Variants in MACROD2 observed in about 807,000 individuals in gnomAD.
MACROD2 encodes the protein ADP-ribose glycohydrolase MACROD2.
Under a neutral mutation model 70.4 loss-of-function variants are expected in MACROD2, and 36 were observed. That is an observed-to-expected ratio of 0.51 (90% CI 0.39 to 0.68). The LOEUF (loss-of-function observed/expected upper bound fraction) is 0.68. MACROD2 is among the 30% of genes least tolerant of loss of function. The pLI, the probability that MACROD2 is intolerant of heterozygous loss-of-function variation, is 0.00. For synonymous variants in MACROD2, 172 were observed against 178.8 expected (o/e 0.96, Z 0.30); for missense variants, 496 against 538.4 (o/e 0.92, Z 0.78).
At chr20:15,781,558 G>A (rs6043543) in intron 8 of MACROD2, among the ~76,000 whole-genome samples, 13,791 of 152,122 alleles carry the variant, frequency 0.091, 1,337 homozygotes, top group East Asian at 0.33. Flanking sequence ...TGCATCTCTG[G>A]AGGGGAAGAA....
intron 4 of MACROD2, among the ~76,000 whole-genome samples, chr20:14,574,764 C>G (rs2123328495): frequency 6.6e-6 from 1 of 151,028 alleles, no homozygotes; most frequent in East Asian, 1.9e-4. Context: ...GTAATCCCAG[C>G]ACTTTGGGAG....
chr20:15,085,134 C>T (rs989717546), intron 5 of MACROD2, among the ~76,000 whole-genome samples: 3 of 152,024 alleles, frequency 2.0e-5, no homozygotes, highest in South Asian at 4.2e-4. Flanking sequence ...AACAAGAATG[C>T]CAAAACAATT....
intron 8 of MACROD2, among the ~76,000 whole-genome samples, chr20:15,606,136 A>G (rs1191246184): frequency 4.6e-5 from 7 of 151,976 alleles, no homozygotes. Context: ...TTACCCTCCA[A>G]ATCTATTCTC....
chr20:14,634,192 G>C (rs568720750), intron 4 of MACROD2, among the ~76,000 whole-genome samples: 1 of 152,296 alleles, frequency 6.6e-6, no homozygotes, highest in African/African-American at 2.4e-5. Context: ...GTGGCCTGAA[G>C]TAGGACATTT....
chr20:15,765,050 ACTT>A (rs1462294522), intron 8 of MACROD2, among the ~76,000 whole-genome samples: 1 of 151,602 alleles, frequency 6.6e-6, no homozygotes, highest in Non-Finnish European at 1.5e-5. Context: ...TTGCTCTCTC[ACTT>A]CTTCTAGTGA....
At chr20:15,132,619 C>T (rs1206876373) in intron 5 of MACROD2, among the ~76,000 whole-genome samples, 1 of 151,644 alleles carries the variant, frequency 6.6e-6, no homozygotes, top group African/African-American at 2.4e-5. Flanking sequence ...CAACAAAATC[C>T]AATCACTTAA....
At chr20:15,327,388 A>T (rs2146183245) in intron 6 of MACROD2, among the ~76,000 whole-genome samples, 1 of 152,258 alleles carries the variant, frequency 6.6e-6, no homozygotes, top group Non-Finnish European at 1.5e-5. Context: ...ATAAAGACAT[A>T]TCTGCCACTG....
intron 8 of MACROD2, among the ~76,000 whole-genome samples, chr20:15,585,042 T>C (rs1224426795): frequency 6.6e-6 from 1 of 152,128 alleles, no homozygotes; most frequent in Non-Finnish European, 1.5e-5. Context: ...TCTAGGGGAC[T>C]ACACTGCTAT....
intron 8 of MACROD2, among the ~76,000 whole-genome samples, chr20:15,736,853 C>T (rs1241661077): frequency 6.6e-6 from 1 of 152,110 alleles, no homozygotes; most frequent in Non-Finnish European, 1.5e-5. Context: ...GGTCCTGGAA[C>T]CACTCTCCCA....
intron 3 of MACROD2, among the ~76,000 whole-genome samples, chr20:14,365,347 AAAT>A (rs1414527958): frequency 2.6e-5 from 4 of 151,634 alleles, no homozygotes; most frequent in African/African-American, 7.3e-5. Flanking sequence ...TAAATAAATG[AAAT>A]AATAATGTTC....
rs942728556 is a variant in MACROD2, at chr20:14,738,856, A to G, written c.418+53897A>G. Among the ~76,000 whole-genome samples the G allele has an allele frequency of 1.2e-4, 19 of 152,126 alleles. No individual in the cohort carries two copies. The East Asian group carries it at 3.5e-3, about 28-fold the overall frequency. ...AGTACGCTATTGGAAAACAGAAGGGAAAATACTAATACTTTAATCAAATTA... is the reference window on the plus strand; with the variant it reads ...AGTACGCTATTGGAAAACAGAAGGGGAAATACTAATACTTTAATCAAATTA... On this transcript the variant is annotated intron_variant, in intron 5 of 17. Transcript: ENST00000684519.
chr20:15,316,199 G>A (rs1354525853), intron 6 of MACROD2, among the ~76,000 whole-genome samples: 1 of 151,336 alleles, frequency 6.6e-6, no homozygotes, highest in Non-Finnish European at 1.5e-5. Flanking sequence ...ATAGCAAAAT[G>A]ACAGAATTAA....
At chr20:15,587,216 A>C (rs968193048) in intron 8 of MACROD2, among the ~76,000 whole-genome samples, 1 of 152,158 alleles carries the variant, frequency 6.6e-6, no homozygotes, top group African/African-American at 2.4e-5. Context: ...CAAAAGTGCA[A>C]ACCCCTGATA....
At chr20:15,138,319 C>T (rs200191423) in intron 5 of MACROD2, among the ~76,000 whole-genome samples, 10 of 152,042 alleles carry the variant, frequency 6.6e-5, no homozygotes, top group African/African-American at 2.2e-4. Flanking sequence ...CACAAGGGTC[C>T]ATTTTCTAAA....
intron 4 of MACROD2, among the ~76,000 whole-genome samples, chr20:14,615,388 CA>C (rs997795043): frequency 6.6e-6 from 1 of 151,662 alleles, no homozygotes; most frequent in African/African-American, 2.4e-5. Flanking sequence ...GATAAACGAA[CA>C]AAAAAAATTA....
intron 8 of MACROD2, among the ~76,000 whole-genome samples, chr20:15,582,363 G>A (rs939576951): frequency 3.3e-5 from 5 of 152,054 alleles, no homozygotes; most frequent in Admixed American, 3.3e-4. Context: ...ACTGTATTCA[G>A]CTAGACCCTG....
intron 5 of MACROD2, among the ~76,000 whole-genome samples, chr20:14,956,023 G>GTTT (rs750168380): frequency 1.2e-4 from 17 of 143,830 alleles, no homozygotes; most frequent in African/African-American, 4.3e-4. Flanking sequence ...GCTTTTAGCT[G>GTTT]TTTTTTTTTT....
chr20:15,155,356 C>T (rs2145867001), intron 5 of MACROD2, among the ~76,000 whole-genome samples: 1 of 152,282 alleles, frequency 6.6e-6, no homozygotes, highest in South Asian at 2.1e-4. Flanking sequence ...CCTCATTTCT[C>T]ACTGCTCTCT....
At chr20:15,484,215 T>G (rs2047136444) in intron 7 of MACROD2, among the ~76,000 whole-genome samples, 1 of 152,148 alleles carries the variant, frequency 6.6e-6, no homozygotes, top group Non-Finnish European at 1.5e-5. Context: ...GCTTTTTTCT[T>G]TTAGTAAGTC....
Sources: gnomAD v4.1 joint callset for allele counts (sites outside exome capture counted in the v4.1 genomes callset) on GRCh38, gnomAD v4.1.1 for gene constraint, MANE v1.5 for transcripts, NCBI Gene and HGNC (gene_info 2026-07-23, HGNC 2026-07-21) for gene names.